The following DPP10 variants were observed in gnomAD, a reference collection of about 807,000 sequenced individuals.
The protein encoded by DPP10 is inactive dipeptidyl peptidase 10.
DPP10 carries 33 observed loss-of-function variants against 120.9 expected under a neutral mutation model. The observed-to-expected ratio is 0.27, with a 90% CI of 0.21 to 0.37. The LOEUF is 0.37. DPP10 is among the 10% of genes least tolerant of loss of function. The pLI is 1.00. For synonymous variants in DPP10, 337 were observed against 326.1 expected, an observed-to-expected ratio of 1.03 and a Z score of -0.36; for missense variants, 816 against 942.8, an observed-to-expected ratio of 0.87 and a Z score of 1.76.
At chr2:115,336,326 A>G (rs2063127202) in intron 2 of DPP10, among the ~76,000 whole-genome samples, 1 of 152,032 alleles carries the variant, frequency 6.6e-6, no homozygotes, top group African/African-American at 2.4e-5. Context: ...TGCCACATTC[A>G]TATTGTCAAA....
At chr2:114,950,292 CTTTTTTTT>C (rs35889704) in intron 1 of DPP10, among the ~76,000 whole-genome samples, 1 of 90,816 alleles carries the variant, frequency 1.1e-5, no homozygotes, top group African/African-American at 4.2e-5. Context: ...CCACACCTTG[CTTTTTTTT>C]TTTTTTTTTT....
At chr2:115,485,337 T>C (rs2075708897) in intron 3 of DPP10, among the ~76,000 whole-genome samples, 1 of 152,112 alleles carries the variant, frequency 6.6e-6, no homozygotes. Context: ...CCCAAAGTTA[T>C]TGCCTCATTT....
chr2:115,064,771 A>C, intron 1 of DPP10: 1 of 1,304,030 alleles, frequency 7.7e-7, no homozygotes, highest in Non-Finnish European at 1.0e-6. Flanking sequence ...GTCATCACAG[A>C]GGTGGCTGAG....
At chr2:115,651,050 A>G (rs1369831715) in intron 5 of DPP10, among the ~76,000 whole-genome samples, 3 of 151,984 alleles carry the variant, frequency 2.0e-5, no homozygotes, top group Non-Finnish European at 2.9e-5. Flanking sequence ...GCAAATTTAC[A>G]TGGTATAACA....
At chr2:115,777,894 C>A in intron 15 of DPP10, 60 bp downstream of exon 15, 1 of 1,532,182 alleles carries the variant, frequency 6.5e-7, no homozygotes, top group Non-Finnish European at 8.9e-7. Flanking sequence ...ATCTATGTAG[C>A]ATAAGGAAGG....
At chr2:114,453,716 C>T (rs1204903803) in intron 1 of DPP10, among the ~76,000 whole-genome samples, 1 of 152,114 alleles carries the variant, frequency 6.6e-6, no homozygotes, top group Non-Finnish European at 1.5e-5. Context: ...GAGCAAAACC[C>T]ATTCCCCCTC....
intron 1 of DPP10, among the ~76,000 whole-genome samples, chr2:114,460,338 A>G (rs893286004): frequency 6.6e-6 from 1 of 152,172 alleles, no homozygotes; most frequent in East Asian, 1.9e-4. Flanking sequence ...GTGTTTTGGT[A>G]TAGTACTGAC....
chr2:115,512,300 A>G (rs2077274857), intron 4 of DPP10, among the ~76,000 whole-genome samples: 1 of 151,392 alleles, frequency 6.6e-6, no homozygotes, highest in Non-Finnish European at 1.5e-5. Flanking sequence ...GTGTCATACT[A>G]TTTTGCCCAG....
chr2:114,579,680 G>A (rs547869360), intron 1 of DPP10, among the ~76,000 whole-genome samples: 29 of 152,322 alleles, frequency 1.9e-4, no homozygotes, highest in African/African-American at 6.3e-4. Context: ...TCTGCAAGGA[G>A]TTTATAAATC....
intron 1 of DPP10, among the ~76,000 whole-genome samples, chr2:115,016,324 C>G (rs530226255): frequency 6.6e-6 from 1 of 152,250 alleles, no homozygotes; most frequent in African/African-American, 2.4e-5. Context: ...GAAACTGGAA[C>G]CCTTCCTTAC....
intron 1 of DPP10, among the ~76,000 whole-genome samples, chr2:114,551,516 GTGT>G (rs1296594158): frequency 3.3e-5 from 5 of 152,204 alleles, no homozygotes; most frequent in Admixed American, 1.3e-4. Flanking sequence ...CTGCCTCCTA[GTGT>G]TGTGGTGAGG....
intron 19 of DPP10, among the ~76,000 whole-genome samples, chr2:115,812,503 G>T (rs563454894): frequency 6.6e-6 from 1 of 152,202 alleles, no homozygotes; most frequent in Non-Finnish European, 1.5e-5. Flanking sequence ...GCAATTCCAG[G>T]CTTACTTCTG....
chr2:114,500,247 T>C (rs1222698026), intron 1 of DPP10, among the ~76,000 whole-genome samples: 4 of 152,224 alleles, frequency 2.6e-5, no homozygotes, highest in Non-Finnish European at 5.9e-5. Flanking sequence ...AAAGAATTCA[T>C]GAGGAGCTCT....
chr2:115,415,844 TATATA>T (rs1348685998), intron 3 of DPP10, among the ~76,000 whole-genome samples: 31 of 120,036 alleles, frequency 2.6e-4, no homozygotes, highest in African/African-American at 1.1e-3. Context: ...TTTGCTTTTA[TATATA>T]TATATATATA....
intron 1 of DPP10, among the ~76,000 whole-genome samples, chr2:114,770,475 A>G (rs981050771): frequency 6.6e-6 from 1 of 152,194 alleles, no homozygotes; most frequent in African/African-American, 2.4e-5. Flanking sequence ...CATTCACACA[A>G]TGGTGGTAAG....
At chr2:115,218,091 G>C (rs553598051) in intron 1 of DPP10, among the ~76,000 whole-genome samples, 1 of 152,226 alleles carries the variant, frequency 6.6e-6, no homozygotes, top group East Asian at 1.9e-4. Context: ...TTCCTTACTA[G>C]GATTCAGTAA....
chr2:114,724,887 T>G (rs1165407704), intron 1 of DPP10, among the ~76,000 whole-genome samples: 1 of 152,100 alleles, frequency 6.6e-6, no homozygotes, highest in Non-Finnish European at 1.5e-5. Flanking sequence ...GAGTGTGGGG[T>G]TTTTTTGTTT....
chr2:115,396,776 C>T (rs1458867111), intron 3 of DPP10, among the ~76,000 whole-genome samples: 3 of 152,050 alleles, frequency 2.0e-5, no homozygotes, highest in Admixed American at 1.3e-4. Context: ...AGGTCAGAGC[C>T]GTATCAGTTT....
chr2:115,343,451 G>T (rs1480008784), intron 2 of DPP10, among the ~76,000 whole-genome samples: 1 of 152,022 alleles, frequency 6.6e-6, no homozygotes, highest in African/African-American at 2.4e-5. Flanking sequence ...TCCAATGAAA[G>T]AATATATCAA....
Sources: allele counts gnomAD v4.1 joint callset (sites outside exome capture counted in the v4.1 genomes callset), GRCh38; gene constraint gnomAD v4.1.1; transcripts MANE v1.5; gene names NCBI Gene and HGNC (gene_info 2026-07-23, HGNC 2026-07-21).